DENND4C: variants seen among roughly 807,000 people sequenced by gnomAD.
The protein encoded by DENND4C is DENN domain-containing protein 4C.
Under a neutral mutation model 203.0 loss-of-function variants are expected in DENND4C, and 108 were observed. The ratio of observed to expected loss-of-function variants is 0.53; its 90% CI spans 0.46 to 0.62. The LOEUF is 0.62. Among genes scored for constraint, DENND4C ranks in the 20% least tolerant of loss-of-function variants. DENND4C has a pLI of 0.00. For missense variants in DENND4C, 2,481 were observed against 2,301.2 expected (o/e 1.08, Z -1.60); for synonymous variants, 871 against 792.4 (o/e 1.10, Z -1.67).
intron 1 of DENND4C, among the ~76,000 whole-genome samples, 154 bp from the exon 2 acceptor site, chr9:19,276,004 A>G (rs1478973724): frequency 6.6e-6 from 1 of 152,222 alleles, no homozygotes; most frequent in Non-Finnish European, 1.5e-5. Context: ...CCAACTGACA[A>G]GATGATAAAA....
intron 1 of DENND4C, among the ~76,000 whole-genome samples, chr9:19,252,864 T>C (rs1330937226): frequency 6.6e-6 from 1 of 152,090 alleles, no homozygotes; most frequent in Non-Finnish European, 1.5e-5. Context: ...GCCTTCCAAG[T>C]ATCTAGGACC....
intron 2 of DENND4C, among the ~76,000 whole-genome samples, chr9:19,286,447 A>G (rs900364426): frequency 3.3e-5 from 5 of 152,196 alleles, no homozygotes; most frequent in Non-Finnish European, 7.3e-5. Context: ...TGACCTGAAG[A>G]TGTTTGTGGT....
chr9:19,315,547 A>G (rs1024313682), intron 10 of DENND4C, among the ~76,000 whole-genome samples: 22 of 151,206 alleles, frequency 1.5e-4, no homozygotes, highest in Admixed American at 1.2e-3. Flanking sequence ...GTATATATAT[A>G]CGTGTATATA....
intron 1 of DENND4C, among the ~76,000 whole-genome samples, chr9:19,233,671 C>CT (rs1381588999): frequency 1.0e-5 from 1 of 97,168 alleles, no homozygotes; most frequent in Non-Finnish European, 2.1e-5. Flanking sequence ...AGCGATTCTC[C>CT]TGCCTCTGCC....
At chr9:19,235,609 C>CTTTTTTTTTT (rs58031665) in intron 1 of DENND4C, among the ~76,000 whole-genome samples, 3 of 118,940 alleles carry the variant, frequency 2.5e-5, no homozygotes, top group Non-Finnish European at 5.1e-5. Flanking sequence ...GAAGAGTCAT[C>CTTTTTTTTTT]TTTTTTTTTT....
In DENND4C at chr9:19,326,156, A is replaced by T; in HGVS notation, c.2082A>T (p.Pro694=). ...CTGTATTTATAATGCCGCCAGAGCC[A>T]CCTCCTGATGATGGAAAGGACCTGT... is the stretch of plus-strand genomic sequence containing the variant. ...EHTVFIMPPE[P]PPDDGKDLSP... is the part of the protein sequence containing the mutation. Residue 694 remains proline, a synonymous_variant, in exon 15 of 33, where the codon CCA becomes CCT. Transcript: ENST00000434457. 1 of 1,613,354 alleles carries T rather than the reference A, an allele frequency of 6.2e-7. No homozygotes were observed. Among genetic ancestry groups the T allele is most frequent in the Non-Finnish European group, 8.5e-7 (1 of 1,179,688 alleles).
intron 1 of DENND4C, among the ~76,000 whole-genome samples, chr9:19,267,485 G>C (rs780967438): frequency 1.4e-4 from 22 of 152,056 alleles, no homozygotes; most frequent in Middle Eastern, 3.4e-3. Context: ...TTTTTAGTCT[G>C]TGTGTATCTT....
At chr9:19,312,785 C>G (rs1381893974) in intron 10 of DENND4C, among the ~76,000 whole-genome samples, 1 of 152,124 alleles carries the variant, frequency 6.6e-6, no homozygotes, top group Non-Finnish European at 1.5e-5. Context: ...GAAATGAATA[C>G]TTTTGTCTTG....
chr9:19,324,834 C>T (rs1339157990), intron 13 of DENND4C, among the ~76,000 whole-genome samples: 5 of 152,182 alleles, frequency 3.3e-5, no homozygotes, highest in Admixed American at 2.0e-4. Flanking sequence ...ATTTTACCAC[C>T]TTAGCCTTCT....
Position 19,360,495 on chromosome 9 carries a change from G to T in DENND4C, c.5406+6G>T. 1.2e-6 allele frequency: 2 copies of T among 1,613,930 alleles called. No individual in the cohort carries two copies. Among genetic ancestry groups the T allele is most frequent in the Non-Finnish European group, 1.7e-6 (2 of 1,179,968 alleles). On this transcript the variant is annotated splice_donor_region_variant and intron_variant, in intron 29 of 32. Coordinates refer to ENST00000434457, the MANE Select transcript of DENND4C (RefSeq NM_001330640.2). ...ATTGTAATGAAGGTGTACAGGTAGG[G>T]TGCCAACTTTTATACTTACATTAGT...
At chr9:19,311,466 A>G (rs1018769712) in intron 10 of DENND4C, among the ~76,000 whole-genome samples, 1 of 152,162 alleles carries the variant, frequency 6.6e-6, no homozygotes, top group African/African-American at 2.4e-5. Flanking sequence ...ACTCCGTTGA[A>G]TTGTGATCAG....
intron 12 of DENND4C, among the ~76,000 whole-genome samples, chr9:19,320,721 C>T (rs1189869019): frequency 6.6e-6 from 1 of 152,196 alleles, no homozygotes; most frequent in Non-Finnish European, 1.5e-5. Flanking sequence ...ACATACATGT[C>T]TGGCTGTCCT....
chr9:19,303,454 A>G (rs1320600725), intron 9 of DENND4C, among the ~76,000 whole-genome samples: 1 of 152,220 alleles, frequency 6.6e-6, no homozygotes. Context: ...CATGCATGAC[A>G]GCAGAGTTAA....
intron 1 of DENND4C, among the ~76,000 whole-genome samples, chr9:19,240,106 T>G (rs1401637051): frequency 1.3e-5 from 2 of 152,208 alleles, no homozygotes; most frequent in Non-Finnish European, 2.9e-5. Context: ...TTGTTAGATG[T>G]ACACAGTCAT....
chr9:19,256,609 C>G (rs1269255849), intron 1 of DENND4C, among the ~76,000 whole-genome samples: 1 of 151,902 alleles, frequency 6.6e-6, no homozygotes, highest in Non-Finnish European at 1.5e-5. Context: ...GCCACCACGC[C>G]TGGCACTTGC....
intron 31 of DENND4C, among the ~76,000 whole-genome samples, chr9:19,370,390 G>T (rs1828578252): frequency 6.6e-6 from 1 of 151,816 alleles, no homozygotes; most frequent in Non-Finnish European, 1.5e-5. Context: ...GGAGGTCCAG[G>T]TTACAGTCAG....
Position 19,336,337 on chromosome 9 carries a change from A to G in DENND4C, c.2657A>G (p.Asn886Ser). ...SGIFLWTKVR[N>S]VVRGLAQFRQ... ...ATTTTCTTATGGACGAAGGTACGGA[A>G]TGTGGTACGTGGCTTGGCACAGTTT... The change falls in exon 19 of 33, where the codon AAT (asparagine) becomes AGT (serine). Residue 886 changes from asparagine to serine, a missense_variant. Around this residue, in one of 3 missense-constraint regions of DENND4C, gnomAD observed 2,289 missense variants for 2,113.3 expected, o/e 1.08. Transcript: ENST00000434457. The G allele has an allele frequency of 1.2e-6, 2 of 1,614,078 alleles. No individual in the cohort carries two copies. The highest frequency in any genetic ancestry group is 1.1e-5 in the South Asian group (1 of 91,072).
chr9:19,299,229 CT>C lies in DENND4C; in HGVS notation c.1109del (p.Leu370ArgfsTer7). 4 of 1,535,422 alleles carry C rather than the reference CT, an allele frequency of 2.6e-6. No homozygotes were observed. The highest frequency in any genetic ancestry group is 3.5e-6 in the Non-Finnish European group (4 of 1,147,044). ...SPQRPRILVQ[L>X]SVHDALILSQ... Reference sequence around the variant, plus strand: ...AATTTATCTTTTTTTTTTTTTTAAGCTGTCAGTCCATGATGCATTAATATTA... The same window carrying C: ...AATTTATCTTTTTTTTTTTTTTAAGCGTCAGTCCATGATGCATTAATATTA... On this transcript the variant is annotated frameshift_variant and splice_region_variant, in exon 8 of 33. Coordinates refer to ENST00000434457, the MANE Select transcript of DENND4C (RefSeq NM_001330640.2). LOFTEE classifies it high-confidence loss of function.
At position 19,372,339 on chromosome 9, in the gene DENND4C, TATG is replaced by T; in HGVS notation, c.*168_*170del. On this transcript the variant is annotated 3_prime_UTR_variant, in exon 33 of 33. Coordinates refer to ENST00000434457, the MANE Select transcript of DENND4C (RefSeq NM_001330640.2). ...TGATTCATATTGCATTACCTTGAAA[TATG>T]AAGTGCCATTTGAATGTCCCAGGGC... The T allele has an allele frequency of 2.5e-6, 2 of 816,092 alleles. No homozygotes were observed. Among genetic ancestry groups the T allele is most frequent in the Non-Finnish European group, 3.6e-6 (2 of 549,738 alleles). The allele number at this position is 816,092 out of a possible 1,614,324, so 50.6% of individuals were successfully genotyped here.
Sources: gnomAD v4.1 joint callset for allele counts (sites outside exome capture counted in the v4.1 genomes callset) on GRCh38, gnomAD v4.1.1 for gene constraint, gnomAD v4.1.1 regional missense constraint, MANE v1.5 for transcripts, NCBI Gene and HGNC (gene_info 2026-07-23, HGNC 2026-07-21) for gene names.